Variants in DSCAM observed in about 807,000 individuals in gnomAD.
The protein encoded by DSCAM is cell adhesion molecule DSCAM.
DSCAM carries 47 observed loss-of-function variants against 217.7 expected under a neutral mutation model. The ratio of observed to expected loss-of-function variants is 0.22; its 90% CI spans 0.17 to 0.28. DSCAM has a LOEUF of 0.28. DSCAM is among the 10% of genes least tolerant of loss of function. The pLI is 1.00. For missense variants in DSCAM, 2,080 were observed against 2,618.3 expected (o/e 0.79, Z 4.49); for synonymous variants, 1,056 against 1,015.3 (o/e 1.04, Z -0.76).
rs111832349 is a variant in DSCAM, at chr21:40,016,977, G to A, written c.5687-3591C>T. Among the ~76,000 whole-genome samples the A allele has an allele frequency of 0.028, 4,314 of 152,088 alleles. 201 individuals are homozygous for A. The highest frequency in any genetic ancestry group is 0.098 in the African/African-American group (4,064 of 41,460). On this transcript the variant is annotated intron_variant, in intron 32 of 32. Transcript: ENST00000400454. The surrounding 1 kb of genome is among the most constrained non-coding windows in gnomAD (Gnocchi z 4.3). Reference sequence around the variant, plus strand: ...CTGAAAATAGAAAAATCAGCTGGACGTGGTGGTACACGCCTGTAATCCCAG... The same window carrying A: ...CTGAAAATAGAAAAATCAGCTGGACATGGTGGTACACGCCTGTAATCCCAG...
At chr21:40,603,281 A>G (rs1219600742) in intron 3 of DSCAM, among the ~76,000 whole-genome samples, 1 of 152,160 alleles carries the variant, frequency 6.6e-6, no homozygotes, top group Non-Finnish European at 1.5e-5. Flanking sequence ...GTGAATTTGT[A>G]AAGAATGTGC....
intron 1 of DSCAM, among the ~76,000 whole-genome samples, chr21:40,769,547 C>T (rs1263596921): frequency 2.6e-5 from 4 of 152,202 alleles, no homozygotes; most frequent in Non-Finnish European, 5.9e-5. Context: ...CCAAGCCAGC[C>T]TCCTTCAACC....
At chr21:40,784,969 AT>A (rs1271592599) in intron 1 of DSCAM, among the ~76,000 whole-genome samples, 2 of 152,206 alleles carry the variant, frequency 1.3e-5, no homozygotes, top group Non-Finnish European at 2.9e-5. Context: ...TATTCATTTG[AT>A]TTTTTATATC....
intron 3 of DSCAM, among the ~76,000 whole-genome samples, chr21:40,397,782 C>G (rs1438143817): frequency 2.0e-5 from 3 of 151,978 alleles, no homozygotes; most frequent in African/African-American, 7.3e-5. Flanking sequence ...ACTACCACCA[C>G]TACTATGCTA....
chr21:40,490,206 T>G (rs944999795), intron 3 of DSCAM, among the ~76,000 whole-genome samples: 1 of 152,166 alleles, frequency 6.6e-6, no homozygotes, highest in Non-Finnish European at 1.5e-5. Flanking sequence ...AATTACCTCC[T>G]GCCGGGCCCC....
Position 40,291,874 on chromosome 21 carries a change from C to G in DSCAM, c.2182+4181G>C, listed in dbSNP as rs530160386. Among the ~76,000 whole-genome samples, 88 of 152,330 alleles carry G rather than the reference C, an allele frequency of 5.8e-4. No homozygotes were observed. The South Asian group carries it at 8.7e-3, about 15-fold the overall frequency. On this transcript the variant is annotated intron_variant, in intron 10 of 32. Transcript: ENST00000400454. ...CAGAGAGAGCAAAGGAGGCCCAGGC[C>G]AGGCCCCAGGCTGATGCATCATCTA...
intron 1 of DSCAM, among the ~76,000 whole-genome samples, chr21:40,775,758 T>C (rs7278453): frequency 0.02 from 3,087 of 152,294 alleles, 94 homozygotes; most frequent in African/African-American, 0.07. Context: ...AGTATAAACA[T>C]TGGAACTTCC....
chr21:40,738,716 G>A (rs556941725), intron 1 of DSCAM, among the ~76,000 whole-genome samples: 7 of 152,316 alleles, frequency 4.6e-5, no homozygotes, highest in South Asian at 4.1e-4. Context: ...CAGGTTTTGC[G>A]CATCTCACAA....
chr21:40,205,556 T>C (rs1404840492), intron 11 of DSCAM, among the ~76,000 whole-genome samples: 1 of 150,452 alleles, frequency 6.6e-6, no homozygotes, highest in Non-Finnish European at 1.5e-5. Flanking sequence ...TGAGCTGAGA[T>C]TGCACCATTG....
intron 11 of DSCAM, among the ~76,000 whole-genome samples, chr21:40,203,236 T>C (rs1030839021): frequency 4.6e-5 from 7 of 152,266 alleles, no homozygotes; most frequent in Admixed American, 1.3e-4. Context: ...CCATCAACCT[T>C]TCTGCATTCA....
chr21:40,621,372 ACTACTAT>A (rs2089514256), intron 3 of DSCAM: 1 of 152,134 alleles, frequency 6.6e-6, no homozygotes, highest in Non-Finnish European at 1.5e-5. Context: ...GGGTTTCATG[ACTACTAT>A]CACATGAGGT....
At chr21:40,676,010 T>C (rs2090333634) in intron 3 of DSCAM, among the ~76,000 whole-genome samples, 1 of 152,182 alleles carries the variant, frequency 6.6e-6, no homozygotes, top group Non-Finnish European at 1.5e-5. Flanking sequence ...AATATATTTT[T>C]CCCACCACCA....
intron 3 of DSCAM, among the ~76,000 whole-genome samples, chr21:40,646,558 G>C (rs2089949664): frequency 6.6e-6 from 1 of 152,148 alleles, no homozygotes; most frequent in South Asian, 2.1e-4. Flanking sequence ...CTGTTCTCTA[G>C]ACATATCCTA....
At chr21:40,226,423 C>A (rs2091333415) in intron 11 of DSCAM, among the ~76,000 whole-genome samples, 1 of 152,122 alleles carries the variant, frequency 6.6e-6, no homozygotes. Context: ...CCTTGCATTT[C>A]TTTAGGGGTG....
intron 3 of DSCAM, among the ~76,000 whole-genome samples, chr21:40,561,302 C>T (rs534037718): frequency 1.6e-4 from 25 of 152,140 alleles, no homozygotes; most frequent in Non-Finnish European, 3.5e-4. Flanking sequence ...GTTAACTTAC[C>T]CTACAGTCAA....
intron 20 of DSCAM, among the ~76,000 whole-genome samples, chr21:40,123,086 T>C (rs1219494894): frequency 6.6e-6 from 1 of 152,154 alleles, no homozygotes; most frequent in Non-Finnish European, 1.5e-5. Flanking sequence ...ATGAGGTCCC[T>C]AGAGGAGTCA....
At chr21:40,736,876 A>G (rs994655610) in intron 1 of DSCAM, among the ~76,000 whole-genome samples, 2 of 152,258 alleles carry the variant, frequency 1.3e-5, no homozygotes, top group African/African-American at 4.8e-5. Context: ...TGAAAATTAT[A>G]TAACTACTCC....
At chr21:40,743,863 A>C (rs2091148989) in intron 1 of DSCAM, among the ~76,000 whole-genome samples, 1 of 152,184 alleles carries the variant, frequency 6.6e-6, no homozygotes, top group Admixed American at 6.5e-5. Flanking sequence ...AAGTAACAGT[A>C]ATTATGAAGG....
chr21:40,710,386 C>T (rs527409212), intron 1 of DSCAM, among the ~76,000 whole-genome samples: 14 of 152,326 alleles, frequency 9.2e-5, no homozygotes, highest in African/African-American at 2.9e-4. Context: ...GGTCCACCTG[C>T]CTCCATGCCT....
Sources: allele counts gnomAD v4.1 joint callset (sites outside exome capture counted in the v4.1 genomes callset), GRCh38; gene constraint gnomAD v4.1.1; non-coding constraint Gnocchi (gnomAD v3.1); transcripts MANE v1.5; gene names NCBI Gene and HGNC (gene_info 2026-07-23, HGNC 2026-07-21).